PCF11: variants seen among roughly 807,000 people sequenced by gnomAD.
The protein encoded by PCF11 is PCF11 cleavage and polyadenylation factor subunit.
PCF11 carries 19 observed loss-of-function variants against 166.1 expected under a neutral mutation model. The observed-to-expected ratio is 0.11, with a 90% CI of 0.08 to 0.17. The LOEUF is 0.17. Ranked by LOEUF, PCF11 falls within the 10% of genes least tolerant of loss-of-function variation. The pLI is 1.00. For missense variants in PCF11, 1,565 were observed against 1,855.5 expected (o/e 0.84, Z 2.88); for synonymous variants, 663 against 644.1 (o/e 1.03, Z -0.44).
chr11:83,178,531 C>T (rs1860965093), intron 11 of PCF11, among the ~76,000 whole-genome samples: 1 of 151,738 alleles, frequency 6.6e-6, no homozygotes, highest in African/African-American at 2.4e-5. Context: ...CGCGGTGGCT[C>T]ACTCCTGTAA....
intron 1 of PCF11, among the ~76,000 whole-genome samples, chr11:83,160,169 A>G (rs1423107176): frequency 6.6e-6 from 1 of 152,102 alleles, no homozygotes; most frequent in Non-Finnish European, 1.5e-5. Context: ...GAGCATTTCC[A>G]CACACTTGTA....
Position 83,169,599 on chromosome 11 carries a change from C to T in PCF11, c.3264C>T (p.Asp1088=), listed in dbSNP as rs181651412. ...GACAGCAGGTTCAACCCAGATTTGA[C>T]GGTGTACCTCAAAGATTTGATGGTC... Residue 1088 remains aspartate (D), a synonymous_variant, in exon 8 of 16, where the codon GAC becomes GAT. Transcript: ENST00000298281. 1.7e-4 allele frequency: 273 copies of T among 1,613,916 alleles called. 1 individual carries two copies. In the East Asian group the frequency reaches 3.6e-3, roughly 21 times the overall value.
intron 1 of PCF11, 98 bp downstream of exon 1, chr11:83,157,729 G>A: frequency 1.8e-6 from 2 of 1,140,470 alleles, no homozygotes; most frequent in Non-Finnish European, 2.6e-6. Flanking sequence ...GGGGGACAGT[G>A]TTCCTTCTCT....
intron 11 of PCF11, among the ~76,000 whole-genome samples, chr11:83,178,489 C>G (rs1860962285): frequency 6.6e-6 from 1 of 151,718 alleles, no homozygotes; most frequent in South Asian, 2.1e-4. Context: ...TTTCATAGTT[C>G]AGCATTTACA....
rs745725131 is a variant in PCF11 at position 83,167,162 on chromosome 11, C to T, written c.1855C>T (p.Leu619=). 38 of 1,613,288 alleles carry T rather than the reference C, an allele frequency of 2.4e-5. No homozygotes were observed. The highest frequency in any genetic ancestry group is 4.4e-5 in the South Asian group (4 of 91,044). ...TGATGAACATAGTAAACCTCCTCAT[C>T]TGAGGCATAGGGAGAGCTGGTCAAG... Residue 619 remains leucine (L), a synonymous_variant, in exon 6 of 16, where the codon CTG becomes TTG. Coordinates refer to ENST00000298281, the Ensembl canonical transcript of PCF11. This position sits in a 1 kb window ranked among gnomAD's most constrained non-coding sequence, Gnocchi z 4.2.
chr11:83,161,043 A>C (rs1483320957), intron 1 of PCF11, among the ~76,000 whole-genome samples: 1 of 152,160 alleles, frequency 6.6e-6, no homozygotes, highest in African/African-American at 2.4e-5. Context: ...CACTTAAAAC[A>C]CAGGTCTTTT....
intron 1 of PCF11, chr11:83,158,526 TC>T (rs1860096115): frequency 1.3e-5 from 2 of 152,252 alleles, no homozygotes; most frequent in South Asian, 4.1e-4. Context: ...ACCTTATATT[TC>T]CCTGTAGTCC....
chr11:83,168,507 A>G lies in PCF11; in HGVS notation c.2172A>G (p.Pro724=), dbSNP rs577834532. The change falls in exon 8 of 16, where the codon CCA becomes CCG. Residue 724 remains proline, a synonymous_variant. Coordinates refer to ENST00000298281, the Ensembl canonical transcript of PCF11. ...CTCGATATGAAGATTCAGATAAACC[A>G]TTTGTAGATAGTCCAGCATCAAGAT... 2.1e-4 allele frequency: 334 copies of G among 1,614,032 alleles called. 6 individuals are homozygous for G. In the South Asian group the frequency reaches 3.5e-3, roughly 17 times the overall value.
Position 83,161,317 on chromosome 11 carries a change from T to C in PCF11, c.193-10T>C. On this transcript the variant is annotated splice_polypyrimidine_tract_variant and intron_variant, in intron 1 of 15. Coordinates refer to ENST00000298281, the Ensembl canonical transcript of PCF11. ...CATTATACTAAACTTCTCAGTTTCT[T>C]TTTATTCAGGCTCCTTCCTCAGAGA... 1 of 1,587,366 alleles carries C rather than the reference T, an allele frequency of 6.3e-7. No homozygotes were observed. Among genetic ancestry groups the C allele is most frequent in the Non-Finnish European group, 8.5e-7 (1 of 1,170,402 alleles).
intron 9 of PCF11, among the ~76,000 whole-genome samples, chr11:83,176,844 AC>A (rs1438038522): frequency 3.3e-5 from 5 of 152,054 alleles, no homozygotes; most frequent in African/African-American, 7.2e-5. Flanking sequence ...TAATAAAAAA[AC>A]AAAAAAAAAA....
chr11:83,160,356 T>TA (rs1491105771), intron 1 of PCF11, among the ~76,000 whole-genome samples: 2 of 142,910 alleles, frequency 1.4e-5, no homozygotes, highest in Non-Finnish European at 3.0e-5. Context: ...CTTTTTTTTT[T>TA]ATTTTAAATC....
At chr11:83,161,971 A>G (rs1470321834) in intron 2 of PCF11, among the ~76,000 whole-genome samples, 6 of 152,132 alleles carry the variant, frequency 3.9e-5, no homozygotes, top group South Asian at 2.1e-4. Context: ...TGTTGTTGGT[A>G]TGTGTGAATG....
chr11:83,173,027 AC>A (rs1860740389), intron 9 of PCF11, among the ~76,000 whole-genome samples: 2 of 152,194 alleles, frequency 1.3e-5, no homozygotes, highest in Admixed American at 1.3e-4. Context: ...TTATTTTGTT[AC>A]TATAATGAAA....
At chr11:83,179,613 A>G (rs1229590794) in intron 11 of PCF11, among the ~76,000 whole-genome samples, 1 of 152,044 alleles carries the variant, frequency 6.6e-6, no homozygotes, top group Non-Finnish European at 1.5e-5. Context: ...ACTTTCTGAA[A>G]GTGATTTAGG....
intron 11 of PCF11, among the ~76,000 whole-genome samples, chr11:83,179,319 G>A (rs1239722367): frequency 6.6e-6 from 1 of 151,016 alleles, no homozygotes. Flanking sequence ...GCCCTGTCTT[G>A]GCTCATTGCA....
At chr11:83,159,926 G>A (rs1454579751) in intron 1 of PCF11, among the ~76,000 whole-genome samples, 1 of 152,184 alleles carries the variant, frequency 6.6e-6, no homozygotes, top group African/African-American at 2.4e-5. Flanking sequence ...TGGTGTTTAA[G>A]AGAGCCTGTT....
chr11:83,158,279 C>T (rs997408247), intron 1 of PCF11: 5 of 151,826 alleles, frequency 3.3e-5, no homozygotes, highest in East Asian at 1.9e-4. Flanking sequence ...CTTTTATTCT[C>T]CTATTGGAGG....
exon 5 of PCF11, chr11:83,166,027 A>C: frequency 1.9e-6 from 3 of 1,602,354 alleles, no homozygotes; most frequent in Non-Finnish European, 2.5e-6. Flanking sequence ...TTGAAAAACA[A>C]ATTATCTCAC....
intron 9 of PCF11, among the ~76,000 whole-genome samples, chr11:83,175,608 A>G (rs1321544377): frequency 6.6e-6 from 1 of 152,152 alleles, no homozygotes; most frequent in African/African-American, 2.4e-5. Context: ...AAAAGAAATT[A>G]GCTGGGTGTG....
Sources: allele counts gnomAD v4.1 joint callset (sites outside exome capture counted in the v4.1 genomes callset), GRCh38; gene constraint gnomAD v4.1.1; non-coding constraint Gnocchi (gnomAD v3.1); transcripts MANE v1.5; gene names NCBI Gene and HGNC (gene_info 2026-07-23, HGNC 2026-07-21).